The following KDM6A variants were observed in gnomAD, a reference collection of about 807,000 sequenced individuals.
KDM6A encodes lysine-specific demethylase 6A.
Under a neutral mutation model 117.6 loss-of-function variants are expected in KDM6A, and 11 were observed. The ratio of observed to expected loss-of-function variants is 0.09; its 90% confidence interval spans 0.06 to 0.15. The LOEUF (loss-of-function observed/expected upper bound fraction) is 0.15. Ranked by LOEUF, KDM6A falls within the 10% of genes least tolerant of loss-of-function variation. KDM6A has a pLI of 1.00. For missense variants in KDM6A, 799 were observed against 1,077.3 expected (o/e 0.74, Z 3.62); for synonymous variants, 384 against 396.1 (o/e 0.97, Z 0.36).
chrX:44,972,630 A>G (rs1602399951), intron 3 of KDM6A, among the ~76,000 whole-genome samples: 1 of 111,552 alleles, frequency 9.0e-6, no homozygotes, highest in Non-Finnish European at 1.9e-5. Flanking sequence ...GTGCTGGGGC[A>G]TGTGTGACTC....
intron 16 of KDM6A, 66 bp downstream of exon 16, chrX:45,062,814 C>A: frequency 1.5e-6 from 1 of 655,890 alleles, no homozygotes; most frequent in South Asian, 2.3e-5. Flanking sequence ...ACTCTAATGT[C>A]ATTTTAGAGC....
At chrX:45,106,682 G>A (rs975533399) in intron 27 of KDM6A, 3 of 334,686 alleles carry the variant, frequency 9.0e-6, no homozygotes, top group Admixed American at 3.2e-5. Context: ...TCCAAGTAAT[G>A]ACAGAAAATT....
intron 25 of KDM6A, among the ~76,000 whole-genome samples, chrX:45,086,746 A>G (rs996379472): frequency 1.8e-5 from 2 of 111,903 alleles, no homozygotes; most frequent in Non-Finnish European, 3.8e-5. Context: ...TCTAGATAGA[A>G]CCTTACTCTC....
At chrX:44,942,841 T>G (rs1178383241) in intron 2 of KDM6A, among the ~76,000 whole-genome samples, 1 of 110,834 alleles carries the variant, frequency 9.0e-6, no homozygotes, top group Non-Finnish European at 1.9e-5. Context: ...AATTGTTCAT[T>G]ACTAGTATAT....
intron 2 of KDM6A, among the ~76,000 whole-genome samples, chrX:44,891,497 T>TTAA: frequency 8.9e-6 from 1 of 112,331 alleles, no homozygotes; most frequent in Admixed American, 9.5e-5. Flanking sequence ...TACGTGCTTA[T>TTAA]TCCTCCACCA....
chrX:44,905,931 A>G (rs1367617838), intron 2 of KDM6A, among the ~76,000 whole-genome samples: 2 of 112,401 alleles, frequency 1.8e-5, no homozygotes, highest in African/African-American at 6.5e-5. Flanking sequence ...TTGTGCCTGT[A>G]TATGTGGCTA....
At chrX:45,105,694 T>G (rs1337700237) in intron 27 of KDM6A, among the ~76,000 whole-genome samples, 1 of 112,262 alleles carries the variant, frequency 8.9e-6, no homozygotes, top group Non-Finnish European at 1.9e-5. Context: ...CAGGCACGCA[T>G]GCACACATCA....
At chrX:44,881,212 C>T (rs1193716833) in intron 2 of KDM6A, among the ~76,000 whole-genome samples, 1 of 112,668 alleles carries the variant, frequency 8.9e-6, no homozygotes, top group Non-Finnish European at 1.9e-5. Context: ...AGGCGGGCAT[C>T]ACGAGGTCAG....
intron 2 of KDM6A, among the ~76,000 whole-genome samples, chrX:44,947,649 T>C (rs767220414): frequency 2.7e-5 from 3 of 111,824 alleles, no homozygotes; most frequent in Middle Eastern, 4.6e-3. Context: ...GTGCTGGGAT[T>C]ACAGGTGTGA....
chrX:44,984,783 G>T (rs1435405192), intron 4 of KDM6A, among the ~76,000 whole-genome samples: 1 of 111,454 alleles, frequency 9.0e-6, no homozygotes, highest in Admixed American at 9.6e-5. Context: ...CTCTGTTTTG[G>T]TACCAGTACC....
intron 2 of KDM6A, among the ~76,000 whole-genome samples, chrX:44,892,660 C>G (rs1393225605): frequency 9.1e-6 from 1 of 110,117 alleles, no homozygotes; most frequent in Non-Finnish European, 1.9e-5. Context: ...CCACTGCACT[C>G]TAGCCTGGGC....
At chrX:44,874,531 T>C (rs972377075) in intron 2 of KDM6A, among the ~76,000 whole-genome samples, 1 of 111,568 alleles carries the variant, frequency 9.0e-6, no homozygotes, top group Non-Finnish European at 1.9e-5. Flanking sequence ...TCGATTGCAG[T>C]GTGTGTTACC....
At chrX:44,946,119 T>C (rs2037618303) in intron 2 of KDM6A, among the ~76,000 whole-genome samples, 1 of 112,668 alleles carries the variant, frequency 8.9e-6, no homozygotes, top group Non-Finnish European at 1.9e-5. Context: ...TCTTTCGAGA[T>C]GAAGTCTTGC....
intron 8 of KDM6A, among the ~76,000 whole-genome samples, chrX:45,042,827 T>G (rs949138853): frequency 2.7e-5 from 3 of 112,153 alleles, no homozygotes; most frequent in Non-Finnish European, 5.6e-5. Context: ...TGAAGAAGGA[T>G]CATTTCATAA....
At chrX:44,942,843 C>T (rs1458521534) in intron 2 of KDM6A, among the ~76,000 whole-genome samples, 1 of 110,259 alleles carries the variant, frequency 9.1e-6, no homozygotes, top group Non-Finnish European at 1.9e-5. Flanking sequence ...TTGTTCATTA[C>T]TAGTATATTG....
intron 4 of KDM6A, among the ~76,000 whole-genome samples, chrX:44,987,479 G>A (rs1423040703): frequency 9.0e-6 from 1 of 111,567 alleles, no homozygotes; most frequent in African/African-American, 3.3e-5. Flanking sequence ...TTGCTCATTA[G>A]TTGATGCAGT....
chrX:44,935,946 T>C (rs1363580862), intron 2 of KDM6A, among the ~76,000 whole-genome samples: 2 of 112,256 alleles, frequency 1.8e-5, no homozygotes, highest in African/African-American at 6.5e-5. Context: ...TATGTGAGAA[T>C]GAGAATCACA....
intron 29 of KDM6A, 43 bp downstream of exon 29, chrX:45,110,292 G>A (rs2148309277): frequency 9.0e-7 from 1 of 1,112,936 alleles, no homozygotes; most frequent in Non-Finnish European, 1.2e-6. Context: ...GCTGGGTTAT[G>A]AAGCAGCAGT....
chrX:44,894,175 T>C (rs1038755944), intron 2 of KDM6A, among the ~76,000 whole-genome samples: 1 of 112,017 alleles, frequency 8.9e-6, no homozygotes, highest in Admixed American at 9.5e-5. Context: ...AGATACTGGT[T>C]TGTAGGTAAC....
Sources: gnomAD v4.1 joint callset for allele counts (sites outside exome capture counted in the v4.1 genomes callset) on GRCh38, gnomAD v4.1.1 for gene constraint, MANE v1.5 for transcripts, NCBI Gene and HGNC (gene_info 2026-07-23, HGNC 2026-07-21) for gene names.